The following TSGA10 variants were observed in gnomAD, a reference collection of about 807,000 sequenced individuals.
TSGA10 encodes testis-specific gene 10 protein.
TSGA10 carries 43 observed loss-of-function variants against 96.6 expected under a neutral mutation model. That is an observed-to-expected ratio of 0.44 (90% CI 0.35 to 0.57). TSGA10 has a LOEUF of 0.57. Among genes scored for constraint, TSGA10 ranks in the 20% least tolerant of loss-of-function variants. The pLI, the probability that TSGA10 is intolerant of heterozygous loss-of-function variation, is 0.01. For missense variants in TSGA10, 703 were observed against 834.4 expected (o/e 0.84, Z 1.94); for synonymous variants, 229 against 269.9 (o/e 0.85, Z 1.48).
At chr2:99,003,258 T>G (rs1314495262) in intron 20 of TSGA10, among the ~76,000 whole-genome samples, 1 of 152,170 alleles carries the variant, frequency 6.6e-6, no homozygotes, top group African/African-American at 2.4e-5. Context: ...ATCCTAAATA[T>G]CTATGCACCC....
rs760144999 is a variant in TSGA10, at chr2:99,065,010, G to C, written c.1333C>G (p.Leu445Val). 9 of 1,613,614 alleles carry C rather than the reference G, an allele frequency of 5.6e-6. No homozygotes were observed. In the East Asian group the frequency reaches 1.6e-4, roughly 28 times the overall value. Residue 445 changes from leucine to valine, a missense_variant, in exon 16 of 21, where the codon CTT becomes GTT. Physicochemically the swap from Leu to Val is conservative, Grantham distance 32 (BLOSUM62 1). Transcript: ENST00000393483. Reference protein sequence around the residue: ...EADNNTLKLELITAEAEGNRL... With the variant: ...EADNNTLKLEVITAEAEGNRL... ...TTACCCTCTGCCTCAGCAGTGATAA[G>C]TTCCAGTTTGAGGGTATTGTTATCT...
At chr2:99,103,456 C>T (rs146696337) in intron 10 of TSGA10, among the ~76,000 whole-genome samples, 161 of 152,288 alleles carry the variant, frequency 1.1e-3, no homozygotes, top group Non-Finnish European at 2.6e-4. Flanking sequence ...GATACATCTT[C>T]GGCAACCATG....
chr2:99,049,934 T>G (rs1480655115), intron 16 of TSGA10, among the ~76,000 whole-genome samples: 2 of 152,156 alleles, frequency 1.3e-5, no homozygotes, highest in Non-Finnish European at 2.9e-5. Context: ...AAAGACAGTA[T>G]AGCTGCATCT....
intron 1 of TSGA10, among the ~76,000 whole-genome samples, chr2:99,152,074 A>T (rs78166148): frequency 2.0e-5 from 3 of 152,216 alleles, no homozygotes; most frequent in Non-Finnish European, 2.9e-5. Context: ...GAGAAAAAAA[A>T]TACATAAATC....
At chr2:99,002,155 G>A (rs1041673849) in intron 20 of TSGA10, among the ~76,000 whole-genome samples, 12 of 152,096 alleles carry the variant, frequency 7.9e-5, no homozygotes, top group Non-Finnish European at 1.2e-4. Flanking sequence ...GATACTCCTC[G>A]AGAAGAGCAA....
chr2:99,102,127 G>C (rs529713581), intron 10 of TSGA10: 2 of 1,458,334 alleles, frequency 1.4e-6, no homozygotes, highest in African/African-American at 2.8e-5. Flanking sequence ...TTAGATAGGG[G>C]TTACAAATCG....
chr2:99,078,032 G>C (rs2086943001), intron 12 of TSGA10, among the ~76,000 whole-genome samples: 1 of 151,454 alleles, frequency 6.6e-6, no homozygotes, highest in South Asian at 2.1e-4. Context: ...AGCACTTTGG[G>C]AGGCTGAGGT....
chr2:99,120,174 CATTT>C (rs1171228186), intron 2 of TSGA10, among the ~76,000 whole-genome samples: 11 of 152,146 alleles, frequency 7.2e-5, no homozygotes, highest in African/African-American at 2.4e-4. Context: ...GTTTCTGCAT[CATTT>C]ATTACGTATC....
intron 17 of TSGA10, among the ~76,000 whole-genome samples, chr2:99,026,069 AAG>A (rs1471900677): frequency 6.6e-6 from 1 of 152,106 alleles, no homozygotes; most frequent in East Asian, 1.9e-4. Context: ...CTGTTTTTGG[AAG>A]AGTGTTTTAT....
intron 10 of TSGA10, among the ~76,000 whole-genome samples, 186 bp from the exon 11 acceptor site, chr2:99,081,583 A>G (rs1183844806): frequency 1.3e-5 from 2 of 152,228 alleles, no homozygotes; most frequent in Non-Finnish European, 2.9e-5. Context: ...GGGATCTTCA[A>G]TCCACCACTC....
At chr2:99,042,138 A>T (rs1018777952) in intron 16 of TSGA10, among the ~76,000 whole-genome samples, 8 of 151,612 alleles carry the variant, frequency 5.3e-5, no homozygotes, top group African/African-American at 1.9e-4. Flanking sequence ...TCTGGTTGAA[A>T]ATGACATTTT....
intron 17 of TSGA10, among the ~76,000 whole-genome samples, chr2:99,022,349 A>C (rs2080121580): frequency 6.6e-6 from 1 of 150,924 alleles, no homozygotes; most frequent in Non-Finnish European, 1.5e-5. Flanking sequence ...AAAAAAAAAA[A>C]AAACACCCAA....
intron 2 of TSGA10, among the ~76,000 whole-genome samples, chr2:99,119,058 C>T (rs1484547530): frequency 1.3e-5 from 2 of 152,072 alleles, no homozygotes; most frequent in African/African-American, 4.8e-5. Context: ...AATACCTGAC[C>T]TCTTAGTTCT....
At chr2:99,051,646 T>C (rs962442058) in intron 16 of TSGA10, among the ~76,000 whole-genome samples, 1 of 152,094 alleles carries the variant, frequency 6.6e-6, no homozygotes, top group Non-Finnish European at 1.5e-5. Flanking sequence ...AAGACATCTA[T>C]AGATCATTTC....
chr2:99,069,522 T>G (rs1476656530), intron 14 of TSGA10, among the ~76,000 whole-genome samples: 1 of 151,946 alleles, frequency 6.6e-6, no homozygotes, highest in African/African-American at 2.4e-5. Context: ...TTTTTTAATT[T>G]AAAAAAGAAA....
chr2:99,044,954 C>T (rs924139208), intron 16 of TSGA10, among the ~76,000 whole-genome samples: 20 of 152,084 alleles, frequency 1.3e-4, no homozygotes, highest in African/African-American at 3.9e-4. Context: ...AAAATGAAGG[C>T]AGAAATAAAG....
intron 20 of TSGA10, among the ~76,000 whole-genome samples, chr2:99,009,974 G>T (rs1037533443): frequency 1.3e-5 from 2 of 152,140 alleles, no homozygotes; most frequent in Admixed American, 1.3e-4. Flanking sequence ...GATGTTCTTT[G>T]TATTCTTATT....
chr2:99,109,369 T>C lies in TSGA10; in HGVS notation c.51+20A>G. The C allele has an allele frequency of 1.2e-6, 2 of 1,612,344 alleles. No individual in the cohort carries two copies. Among genetic ancestry groups the C allele is most frequent in the Non-Finnish European group, 1.7e-6 (2 of 1,178,378 alleles). On this transcript the variant is annotated intron_variant, in intron 6 of 20. Transcript: ENST00000393483. ...TCTGGGCAACAAACTCCAAAATATT[T>C]GTAAGTTTATAAAACCTACCCGGGC...
chr2:99,152,631 T>A (rs2093704202), intron 1 of TSGA10, among the ~76,000 whole-genome samples: 1 of 152,126 alleles, frequency 6.6e-6, no homozygotes, highest in Non-Finnish European at 1.5e-5. Context: ...ACAGAATGGC[T>A]ACTCCATAGA....
Sources: allele counts gnomAD v4.1 joint callset (sites outside exome capture counted in the v4.1 genomes callset), GRCh38; gene constraint gnomAD v4.1.1; transcripts MANE v1.5; gene names NCBI Gene and HGNC (gene_info 2026-07-23, HGNC 2026-07-21).